The following CIB1 variants were observed in gnomAD, a reference collection of about 807,000 sequenced individuals.
CIB1 encodes the protein calcium and integrin binding 1, also known as calcium and integrin-binding protein 1.
Under a neutral mutation model 25.0 loss-of-function variants are expected in CIB1, and 19 were observed. The observed-to-expected ratio is 0.76, with a 90% CI of 0.53 to 1.12. CIB1 has a LOEUF of 1.12. Ranked by LOEUF, CIB1 falls within the 50% of genes most tolerant of loss-of-function variation. CIB1 has a pLI of 0.00. For synonymous variants in CIB1, 104 were observed against 98.5 expected (o/e 1.06, Z -0.33); for missense variants, 236 against 242.6 (o/e 0.97, Z 0.18).
the CIB1 span, among the ~76,000 whole-genome samples, chr15:90,256,556 T>TCTTTCTTTCTTTCTTTC: frequency 2.5e-4 from 9 of 35,658 alleles, no homozygotes; most frequent in African/African-American, 1.0e-3. Context: ...TTTCTTTCTT[T>TCTTTCTTTCTTTCTTTC]CTTTCTTTCT....
the CIB1 span, chr15:90,241,506 G>T: frequency 8.7e-6 from 14 of 1,613,736 alleles, no homozygotes; most frequent in Non-Finnish European, 1.2e-5. Context: ...CTTACACCCG[G>T]GCTTCCGTGT....
chr15:90,256,441 G>A, the CIB1 span: 1 of 1,035,194 alleles, frequency 9.7e-7, no homozygotes, highest in Non-Finnish European at 1.4e-6. Flanking sequence ...ATCCAGCCAT[G>A]GTTCAGAACC....
chr15:90,230,784 CG>C, intron 6 of CIB1, 149 bp downstream of exon 6: 1 of 770,210 alleles, frequency 1.3e-6, no homozygotes, highest in Non-Finnish European at 2.2e-6. Context: ...TGCCCCTGCC[CG>C]GGGCGAGACT....
At chr15:90,233,636 G>A (rs749315227) in intron 2 of CIB1, 33 bp downstream of exon 2, 27 of 1,564,214 alleles carry the variant, frequency 1.7e-5, no homozygotes, top group Non-Finnish European at 2.2e-5. Flanking sequence ...AGAGGATCCC[G>A]GGGTCGGAGG....
the CIB1 span, among the ~76,000 whole-genome samples, chr15:90,253,735 G>A: frequency 1.3e-5 from 2 of 152,226 alleles, no homozygotes; most frequent in African/African-American, 4.8e-5. Context: ...AAGCAACTTA[G>A]TTTAGCATTC....
chr15:90,252,661 C>G, the CIB1 span, among the ~76,000 whole-genome samples: 1 of 152,126 alleles, frequency 6.6e-6, no homozygotes, highest in Non-Finnish European at 1.5e-5. Flanking sequence ...TGTGACCCCA[C>G]CTATAGGCAG....
chr15:90,250,145 G>T, the CIB1 span, among the ~76,000 whole-genome samples: 1 of 151,930 alleles, frequency 6.6e-6, no homozygotes, highest in South Asian at 2.1e-4. Context: ...TTTTAGGAGA[G>T]ACGGGATTTC....
rs1438605769 is a variant in CIB1 at position 90,230,207 on chromosome 15, C to T, written c.*277G>A. On this transcript the variant is annotated 3_prime_UTR_variant, in exon 7 of 7. Transcript: ENST00000328649. ...GATTGAAGGCTCTTAGAAGAGAAGT[C>T]CAGTCCTTCCTCATACCAGTGTATC... 1.9e-6 allele frequency: 1 copy of T among 514,868 alleles called. No individual in the cohort carries two copies. The highest frequency in any genetic ancestry group is 3.5e-6 in the Non-Finnish European group (1 of 287,160). 31.9% of individuals were successfully genotyped at this position (514,868 alleles called of 1,614,324 possible).
the CIB1 span, chr15:90,264,767 G>A: frequency 6.5e-7 from 1 of 1,536,092 alleles, no homozygotes; most frequent in Admixed American, 2.0e-5. Context: ...AGTCCTGGCA[G>A]GATCAGTGCC....
the CIB1 span, chr15:90,245,482 A>G: frequency 6.6e-6 from 1 of 151,904 alleles, no homozygotes; most frequent in Non-Finnish European, 1.5e-5. Flanking sequence ...CAAAAAAAAA[A>G]AAAAAGAAAA....
chr15:90,258,920 G>A, the CIB1 span: 1 of 1,614,200 alleles, frequency 6.2e-7, no homozygotes, highest in Non-Finnish European at 8.5e-7. Flanking sequence ...ACAGCCACGA[G>A]AATCTAGGTG....
At chr15:90,256,565 CTTTCTT>C in the CIB1 span, among the ~76,000 whole-genome samples, 1 of 39,422 alleles carries the variant, frequency 2.5e-5, no homozygotes, top group Non-Finnish European at 4.8e-5. Flanking sequence ...TTCTTTCTTT[CTTTCTT>C]TCTTTCTTTC....
chr15:90,258,170 CT>C, the CIB1 span: 1 of 1,614,262 alleles, frequency 6.2e-7, no homozygotes, highest in East Asian at 2.2e-5. Context: ...ACTACCGAAC[CT>C]GTTTTCCCCA....
At position 90,231,383 on chromosome 15, in the gene CIB1, T is replaced by G; in HGVS notation, c.320A>C (p.Lys107Thr). The part of the protein sequence containing the change: ...VFSDTATPDI[K>T]SHYAFRIFDF... ...AAAGATGCGGAAGGCATAATGGGACTTGATGTCTGGCGTGGCTGTGTCACT... is the reference window on the plus strand; with the variant it reads ...AAAGATGCGGAAGGCATAATGGGACGTGATGTCTGGCGTGGCTGTGTCACT... Residue 107 changes from lysine (K) to threonine (T), a missense_variant, in exon 4 of 7, where the codon AAG becomes ACG. By Grantham distance (78) the Lys-to-Thr change is moderately conservative. Transcript: ENST00000328649. 6.2e-7 allele frequency: 1 copy of G among 1,614,214 alleles called. No individual in the cohort carries two copies. The highest frequency in any genetic ancestry group is 8.5e-7 in the Non-Finnish European group (1 of 1,180,020).
Position 90,231,010 on chromosome 15 carries a change from A to C in CIB1, c.478T>G (p.Ser160Ala). ...KQLIDNILEE[S>A]DIDRDGTINL... ...ATGGTTCCATCCCTGTCAATGTCAG[A>C]CTCCTCCAGGATCTGGGAAAGGGAG... is the stretch of plus-strand genomic sequence containing the variant. Residue 160 changes from serine (S) to alanine (A), a missense_variant, in exon 6 of 7, where the codon TCT becomes GCT. Coordinates refer to ENST00000328649, the MANE Select transcript of CIB1 (RefSeq NM_006384.4). The C allele has an allele frequency of 6.2e-7, 1 of 1,613,794 alleles. No individual in the cohort carries two copies. The highest frequency in any genetic ancestry group is 8.5e-7 in the Non-Finnish European group (1 of 1,179,902).
the CIB1 span, among the ~76,000 whole-genome samples, chr15:90,261,564 G>C: frequency 6.6e-6 from 1 of 151,924 alleles, no homozygotes; most frequent in Non-Finnish European, 1.5e-5. Flanking sequence ...AGGCCGAGGT[G>C]GGTGGATCAC....
At chr15:90,241,513 G>A in the CIB1 span, 80 of 1,613,646 alleles carry the variant, frequency 5.0e-5, no homozygotes, top group East Asian at 1.4e-3. Flanking sequence ...CCGGGCTTCC[G>A]TGTCGGCTTC....
chr15:90,237,712 CCT>C (rs1962665615), upstream of CIB1, among the ~76,000 whole-genome samples: 1 of 151,528 alleles, frequency 6.6e-6, no homozygotes, highest in Non-Finnish European at 1.5e-5. Flanking sequence ...TTTTTTTTCT[CCT>C]TTTTTTGGTT....
At chr15:90,249,498 C>A in the CIB1 span, 1 of 151,828 alleles carries the variant, frequency 6.6e-6, no homozygotes, top group Non-Finnish European at 1.5e-5. Flanking sequence ...CCCCAGGACG[C>A]TTCTCCAATG....
Sources: allele counts gnomAD v4.1 joint callset (sites outside exome capture counted in the v4.1 genomes callset), GRCh38; gene constraint gnomAD v4.1.1; transcripts MANE v1.5; gene names NCBI Gene and HGNC (gene_info 2026-07-23, HGNC 2026-07-21).